TLX2: variants seen among roughly 807,000 people sequenced by gnomAD.
TLX2 encodes T-cell leukemia homeobox protein 2.
A neutral mutation model predicts 21.7 loss-of-function variants in TLX2; 15 were observed. That is an observed-to-expected ratio of 0.69 (90% CI 0.46 to 1.07). The LOEUF (loss-of-function observed/expected upper bound fraction) is 1.07. TLX2 is among the 50% of genes least tolerant of loss of function. The pLI, the probability that TLX2 is intolerant of heterozygous loss-of-function variation, is 0.00. For synonymous variants in TLX2, 213 were observed against 193.1 expected, an observed-to-expected ratio of 1.10 and a Z score of -0.85; for missense variants, 384 against 409.1, an observed-to-expected ratio of 0.94 and a Z score of 0.53.
Position 74,515,502 on chromosome 2 carries a change from C to A in TLX2, c.401-131C>A. 9.1e-7 allele frequency: 1 copy of A among 1,095,934 alleles called. No individual in the cohort carries two copies. The highest frequency in any genetic ancestry group is 1.3e-6 in the Non-Finnish European group (1 of 760,002). The allele number at this position is 1,095,934 out of a possible 1,614,324, so 67.9% of individuals were successfully genotyped here. A position where few individuals can be genotyped will look rare whatever the true frequency, so the allele number is the denominator to read the frequency against. On this transcript the variant is annotated intron_variant, in intron 1 of 2. Transcript: ENST00000233638. The surrounding 1 kb of genome is among the most constrained non-coding windows in gnomAD (Gnocchi z 6.6). ...GGAAGGGCCTTTCTTGGCTATAGGGCTCGGCTGATGCTTAGGGCCCGGGTA... is the reference window on the plus strand; with the variant it reads ...GGAAGGGCCTTTCTTGGCTATAGGGATCGGCTGATGCTTAGGGCCCGGGTA...
In TLX2 at chr2:74,514,921, C is replaced by G; in HGVS notation, c.115C>G (p.Arg39Gly). Residue 39 changes from arginine to glycine, a missense_variant, in exon 1 of 3, where the codon CGC (arginine) becomes GGC (glycine). Physicochemically the swap from Arg to Gly is moderately radical, Grantham distance 125 (BLOSUM62 -2). Transcript: ENST00000233638. The surrounding 1 kb of genome is among the most constrained non-coding windows in gnomAD (Gnocchi z 5.0). ...ETPGGGLGLG[R>G]GGQGHGENGA... is the part of the protein sequence containing the mutation. Reference sequence around the variant, plus strand: ...CCCAGGGGGCGGTCTAGGCCTGGGTCGCGGGGGCCAGGGTCATGGGGAGAA... The same window carrying G: ...CCCAGGGGGCGGTCTAGGCCTGGGTGGCGGGGGCCAGGGTCATGGGGAGAA... 1.2e-6 allele frequency: 2 copies of G among 1,608,438 alleles called. No individual in the cohort carries two copies. The highest frequency in any genetic ancestry group is 2.2e-5 in the East Asian group (1 of 44,498).
chr2:74,515,940 GC>G lies in TLX2; in HGVS notation c.639-32del. On this transcript the variant is annotated intron_variant, in intron 2 of 2. Coordinates refer to ENST00000233638, the MANE Select transcript of TLX2 (RefSeq NM_016170.5). The surrounding 1 kb of genome is among the most constrained non-coding windows in gnomAD (Gnocchi z 6.6). Reference sequence around the variant, plus strand: ...GGCCTGGTGAGAAGCGACGCGGCGGGCGCCCCGCTGACCCCGCGTCTCCCTC... The same window carrying G: ...GGCCTGGTGAGAAGCGACGCGGCGGGGCCCCGCTGACCCCGCGTCTCCCTC... The G allele has an allele frequency of 6.7e-7, 1 of 1,489,792 alleles. No individual in the cohort carries two copies. Among genetic ancestry groups the G allele is most frequent in the Non-Finnish European group, 8.9e-7 (1 of 1,127,782 alleles). The allele number at this position is 1,489,792 out of a possible 1,614,324, so 92.3% of individuals were successfully genotyped here.
rs1234409423 is a variant in TLX2 at position 74,516,125 on chromosome 2, A to G, written c.791A>G (p.Asn264Ser). ...AACTCGTCGCTCTTCGCGCTGCAGA[A>G]CCTGCAGCCCTGGGCCGAGGACAAC... The part of the protein sequence containing the change: ...LHNSSLFALQ[N>S]LQPWAEDNKV... The change falls in exon 3 of 3, where the codon AAC becomes AGC. Residue 264 changes from asparagine (N) to serine (S), a missense_variant. Transcript: ENST00000233638. The G allele has an allele frequency of 1.9e-6, 3 of 1,610,702 alleles. No homozygotes were observed. The highest frequency in any genetic ancestry group is 2.5e-6 in the Non-Finnish European group (3 of 1,179,154).
In TLX2 at chr2:74,515,795, C is replaced by T. The variant is rs370902735; in HGVS notation, c.563C>T (p.Ala188Val). The change falls in exon 2 of 3, where the codon GCG (alanine) becomes GTG (valine). Residue 188 changes from alanine to valine, a missense_variant. Physicochemically the swap from Ala to Val is moderately conservative, Grantham distance 64 (BLOSUM62 0). Coordinates refer to ENST00000233638, the MANE Select transcript of TLX2 (RefSeq NM_016170.5). The surrounding 1 kb of genome is among the most constrained non-coding windows in gnomAD (Gnocchi z 6.6). Reference sequence around the variant, plus strand: ...AAGTACCTGGCCTCTGCGGAGAGGGCGGCGCTGGCCAAGGCCTTGCGCATG... The same window carrying T: ...AAGTACCTGGCCTCTGCGGAGAGGGTGGCGCTGGCCAAGGCCTTGCGCATG... ...RQKYLASAER[A>V]ALAKALRMTD... 5.0e-6 allele frequency: 8 copies of T among 1,612,956 alleles called. 1 individual carries two copies. The East Asian group carries it at 6.7e-5, about 13-fold the overall frequency.
At position 74,516,280 on chromosome 2, in the gene TLX2, G is replaced by A. The variant is rs1454410895; in HGVS notation, c.*91G>A. 1 of 1,532,540 alleles carries A rather than the reference G, an allele frequency of 6.5e-7. No individual in the cohort carries two copies. Among genetic ancestry groups the A allele is most frequent in the South Asian group, 1.2e-5 (1 of 83,306 alleles). 94.9% of individuals were successfully genotyped at this position (1,532,540 alleles called of 1,614,324 possible). On this transcript the variant is annotated 3_prime_UTR_variant, in exon 3 of 3. Coordinates refer to ENST00000233638, the MANE Select transcript of TLX2 (RefSeq NM_016170.5). ...CCATGGTCTAGTGGCAGCCGGGCGC[G>A]TGAGGAGCGGCAGGCCTTGAGGCTG...
Position 74,514,930 on chromosome 2 carries a change from C to T in TLX2, c.124C>T (p.Gln42Ter). Residue 42 changes from glutamine to a stop codon, truncating the protein, a stop_gained, in exon 1 of 3, where the codon CAG (glutamine) becomes TAG (stop). Transcript: ENST00000233638. LOFTEE classifies it high-confidence loss of function. This position sits in a 1 kb window ranked among gnomAD's most constrained non-coding sequence, Gnocchi z 5.0. ...CGGTCTAGGCCTGGGTCGCGGGGGC[C>T]AGGGTCATGGGGAGAATGGGGCGTT... ...GGGLGLGRGGQGHGENGAFSG... is the reference protein window; with the variant it reads ...GGGLGLGRGG The T allele has an allele frequency of 6.2e-7, 1 of 1,607,048 alleles. No homozygotes were observed. The highest frequency in any genetic ancestry group is 8.5e-7 in the Non-Finnish European group (1 of 1,177,356).
rs1304952921 is a variant in TLX2, at chr2:74,516,708, A to AC, written c.*523dup. Reference sequence around the variant, plus strand: ...TGTGACCGAAACCAGAGGGTTGTCCACCCCGGGCATCTCATCCCTCAACTG... The same window carrying AC: ...TGTGACCGAAACCAGAGGGTTGTCCACCCCCGGGCATCTCATCCCTCAACTG... On this transcript the variant is annotated 3_prime_UTR_variant, in exon 3 of 3. Transcript: ENST00000233638. 4.8e-6 allele frequency: 1 copy of AC among 208,900 alleles called. No individual in the cohort carries two copies. Among genetic ancestry groups the AC allele is most frequent in the African/African-American group, 2.4e-5 (1 of 41,928 alleles). The allele number at this position is 208,900 out of a possible 1,614,324, so 12.9% of individuals were successfully genotyped here.
Position 74,514,989 on chromosome 2 carries a change from T to C in TLX2, c.183T>C (p.Gly61=). ...SGGYHGASGY[G]PAGSLAPLPG... ...GATACCACGGAGCCTCGGGCTACGG[T>C]CCCGCCGGCTCACTTGCCCCGCTGC... Residue 61 remains glycine (G), a synonymous_variant, in exon 1 of 3, where the codon GGT becomes GGC. Coordinates refer to ENST00000233638, the MANE Select transcript of TLX2 (RefSeq NM_016170.5). This position sits in a 1 kb window ranked among gnomAD's most constrained non-coding sequence, Gnocchi z 5.0. 2 of 1,545,202 alleles carry C rather than the reference T, an allele frequency of 1.3e-6. No homozygotes were observed. The highest frequency in any genetic ancestry group is 2.5e-5 in the East Asian group (1 of 39,346).
At position 74,514,833 on chromosome 2, in the gene TLX2, C is replaced by T; in HGVS notation, c.27C>T (p.His9=). MEPGMLGP[H]NLPHHEPISF... Reference sequence around the variant, plus strand: ...TGGAGCCGGGGATGCTGGGTCCACACAACCTCCCACACCACGAGCCAATCA... The same window carrying T: ...TGGAGCCGGGGATGCTGGGTCCACATAACCTCCCACACCACGAGCCAATCA... The change falls in exon 1 of 3, where the codon CAC becomes CAT. Residue 9 remains histidine, a synonymous_variant. Transcript: ENST00000233638. The surrounding 1 kb of genome is among the most constrained non-coding windows in gnomAD (Gnocchi z 5.0). The T allele has an allele frequency of 6.2e-7, 1 of 1,612,884 alleles. No homozygotes were observed. Among genetic ancestry groups the T allele is most frequent in the South Asian group, 1.1e-5 (1 of 91,082 alleles).
rs1447841658 is a variant in TLX2 at position 74,514,842 on chromosome 2, A to G, written c.36A>G (p.Pro12=). ...GGATGCTGGGTCCACACAACCTCCC[A>G]CACCACGAGCCAATCAGCTTCGGCA... ...EPGMLGPHNL[P]HHEPISFGID... is the part of the protein sequence containing the mutation. The change falls in exon 1 of 3, where the codon CCA becomes CCG. Residue 12 remains proline (P), a synonymous_variant. Coordinates refer to ENST00000233638, the MANE Select transcript of TLX2 (RefSeq NM_016170.5). The surrounding 1 kb of genome is among the most constrained non-coding windows in gnomAD (Gnocchi z 5.0). The G allele has an allele frequency of 1.9e-6, 3 of 1,612,710 alleles. No homozygotes were observed. The Admixed American group carries it at 5.0e-5, about 27-fold the overall frequency.
In TLX2 at chr2:74,515,085, G is replaced by T; in HGVS notation, c.279G>T (p.Pro93=). The T allele has an allele frequency of 6.6e-7, 1 of 1,524,084 alleles. No homozygotes were observed. The highest frequency in any genetic ancestry group is 8.8e-7 in the Non-Finnish European group (1 of 1,138,314). The allele number at this position is 1,524,084 out of a possible 1,614,324, so 94.4% of individuals were successfully genotyped here. ...CGCACCGCCCGCTGCCTGTGCCGCC[G>T]CCCGCTGGGGGGGCGCCTGCAGTGC... ...VPAHRPLPVP[P]PAGGAPAVPG... The change falls in exon 1 of 3, where the codon CCG becomes CCT. Residue 93 remains proline, a synonymous_variant. Coordinates refer to ENST00000233638, the MANE Select transcript of TLX2 (RefSeq NM_016170.5). This position sits in a 1 kb window ranked among gnomAD's most constrained non-coding sequence, Gnocchi z 6.6.
At position 74,516,240 on chromosome 2, in the gene TLX2, C is replaced by T. The variant is rs746767372; in HGVS notation, c.*51C>T. ...GCGCCGGGCCCGGAGCGGTGGAGCGCGCGGCTGCCTGCGTCCATGGTCTAG... is the reference window on the plus strand; with the variant it reads ...GCGCCGGGCCCGGAGCGGTGGAGCGTGCGGCTGCCTGCGTCCATGGTCTAG... On this transcript the variant is annotated 3_prime_UTR_variant, in exon 3 of 3. Transcript: ENST00000233638. The T allele has an allele frequency of 3.8e-6, 6 of 1,574,706 alleles. No homozygotes were observed. The highest frequency in any genetic ancestry group is 1.7e-4 in the Middle Eastern group (1 of 5,992).
rs1032705052 is a variant in TLX2, at chr2:74,516,958, G to T, written c.*769G>T. 3 of 152,274 alleles carry T rather than the reference G, an allele frequency of 2.0e-5. No individual in the cohort carries two copies. The highest frequency in any genetic ancestry group is 7.2e-5 in the African/African-American group (3 of 41,432). 9.4% of individuals were successfully genotyped at this position (152,274 alleles called of 1,614,324 possible). On this transcript the variant is annotated 3_prime_UTR_variant, in exon 3 of 3. Transcript: ENST00000233638. ...GGGCCCAGTGGAGTTAGGGTGAAGA[G>T]AATTTGGAAAATAATTTGGAAGTGA...
Position 74,515,562 on chromosome 2 carries a change from C to T in TLX2, c.401-71C>T. On this transcript the variant is annotated intron_variant, in intron 1 of 2. Transcript: ENST00000233638. The surrounding 1 kb of genome is among the most constrained non-coding windows in gnomAD (Gnocchi z 6.6). ...CGCGGGAGTTCTGCGGCCTGGACAG[C>T]CGCGCGGCCTTCTCAGTGGCACCTC... 3 of 1,459,474 alleles carry T rather than the reference C, an allele frequency of 2.1e-6. No homozygotes were observed. Among genetic ancestry groups the T allele is most frequent in the South Asian group, 2.5e-5 (2 of 79,230 alleles). The allele number at this position is 1,459,474 out of a possible 1,614,324, so 90.4% of individuals were successfully genotyped here.
chr2:74,514,735 T>C lies in TLX2; in HGVS notation c.-72T>C, dbSNP rs1674835628. 6.3e-7 allele frequency: 1 copy of C among 1,599,138 alleles called. No homozygotes were observed. Among genetic ancestry groups the C allele is most frequent in the Non-Finnish European group, 8.5e-7 (1 of 1,173,908 alleles). ...GCCACTCTCCGGAGCGCGCCGCCGC[T>C]GGGCTTCTGGCGCTGCCTGAGGCAT... is the stretch of plus-strand genomic sequence containing the variant. On this transcript the variant is annotated 5_prime_UTR_variant, in exon 1 of 3. Coordinates refer to ENST00000233638, the MANE Select transcript of TLX2 (RefSeq NM_016170.5). This position sits in a 1 kb window ranked among gnomAD's most constrained non-coding sequence, Gnocchi z 5.0.
rs1674840644 is a variant in TLX2, at chr2:74,514,859, G to A, written c.53G>A (p.Ser18Asn). The change falls in exon 1 of 3, where the codon AGC (serine) becomes AAC (asparagine). Residue 18 changes from serine (S) to asparagine (N), a missense_variant. Physicochemically the swap from Ser to Asn is conservative, Grantham distance 46. Coordinates refer to ENST00000233638, the MANE Select transcript of TLX2 (RefSeq NM_016170.5). The surrounding 1 kb of genome is among the most constrained non-coding windows in gnomAD (Gnocchi z 5.0). ...PHNLPHHEPI[S>N]FGIDQILSGP... ...AACCTCCCACACCACGAGCCAATCA[G>A]CTTCGGCATCGATCAGATCCTGAGC... The A allele has an allele frequency of 6.2e-7, 1 of 1,612,990 alleles. No homozygotes were observed. Among genetic ancestry groups the A allele is most frequent in the African/African-American group, 1.3e-5 (1 of 74,796 alleles).
At position 74,514,548 on chromosome 2, in the gene TLX2, G is replaced by A; in HGVS notation, c.-259G>A. On this transcript the variant is annotated 5_prime_UTR_variant, in exon 1 of 3. Coordinates refer to ENST00000233638, the MANE Select transcript of TLX2 (RefSeq NM_016170.5). This position sits in a 1 kb window ranked among gnomAD's most constrained non-coding sequence, Gnocchi z 5.0. The stretch of plus-strand genomic sequence containing the variant: ...CTATTTGCGCTTAAGAGCCAGCAAG[G>A]AAGCTCCAGGGGCCCCAGCTGGCCG... The A allele has an allele frequency of 4.3e-6, 6 of 1,380,532 alleles. No homozygotes were observed. Among genetic ancestry groups the A allele is most frequent in the South Asian group, 1.5e-5 (1 of 64,838 alleles). 85.5% of individuals were successfully genotyped at this position (1,380,532 alleles called of 1,614,324 possible).
Position 74,516,506 on chromosome 2 carries a change from C to T in TLX2, c.*317C>T. ...AGGGGGCCGGGCTGGCCAATGGGAGCTGCTTTCCTGAGGGACTCGAAATTC... is the reference window on the plus strand; with the variant it reads ...AGGGGGCCGGGCTGGCCAATGGGAGTTGCTTTCCTGAGGGACTCGAAATTC... On this transcript the variant is annotated 3_prime_UTR_variant, in exon 3 of 3. Transcript: ENST00000233638. 1.6e-6 allele frequency: 2 copies of T among 1,241,382 alleles called. No individual in the cohort carries two copies. Among genetic ancestry groups the T allele is most frequent in the Non-Finnish European group, 2.0e-6 (2 of 981,498 alleles). 76.9% of individuals were successfully genotyped at this position (1,241,382 alleles called of 1,614,324 possible).
rs751104459 is a variant in TLX2, at chr2:74,514,941, G to A, written c.135G>A (p.Gly45=). The A allele has an allele frequency of 6.2e-7, 1 of 1,600,576 alleles. No homozygotes were observed. Among genetic ancestry groups the A allele is most frequent in the Admixed American group, 1.7e-5 (1 of 58,716 alleles). The change falls in exon 1 of 3, where the codon GGG becomes GGA. Residue 45 remains glycine (G), a synonymous_variant. Coordinates refer to ENST00000233638, the MANE Select transcript of TLX2 (RefSeq NM_016170.5). The surrounding 1 kb of genome is among the most constrained non-coding windows in gnomAD (Gnocchi z 5.0). ...LGLGRGGQGH[G]ENGAFSGGYH... is the part of the protein sequence containing the mutation. The stretch of plus-strand genomic sequence containing the variant: ...TGGGTCGCGGGGGCCAGGGTCATGG[G>A]GAGAATGGGGCGTTCTCGGGTGGAT...
Sources: allele counts gnomAD v4.1 joint callset, GRCh38; gene constraint gnomAD v4.1.1; non-coding constraint Gnocchi (gnomAD v3.1); transcripts MANE v1.5; gene names NCBI Gene and HGNC (gene_info 2026-07-23, HGNC 2026-07-21).